The following CDCP1 variants were observed in gnomAD, a reference collection of about 807,000 sequenced individuals.
CDCP1 encodes the protein CUB domain containing protein 1.
CDCP1 carries 29 observed loss-of-function variants against 60.2 expected under a neutral mutation model. The ratio of observed to expected loss-of-function variants is 0.48; its 90% CI spans 0.36 to 0.66. CDCP1 has a LOEUF of 0.66. Among genes scored for constraint, CDCP1 ranks in the 30% least tolerant of loss-of-function variants. The probability of loss-of-function intolerance (pLI) is 0.00; values close to 1 mark genes in which losing one functional copy is unlikely to be tolerated. For synonymous variants in CDCP1, 387 were observed against 431.1 expected (o/e 0.90, Z 1.27); for missense variants, 876 against 1,074.3 (o/e 0.82, Z 2.58).
intron 8 of CDCP1, among the ~76,000 whole-genome samples, chr3:45,086,434 C>A (rs1311169214): frequency 6.6e-6 from 1 of 152,236 alleles, no homozygotes; most frequent in East Asian, 1.9e-4. Flanking sequence ...GTGTCCCAGA[C>A]CTTCTCAACC....
intron 1 of CDCP1, among the ~76,000 whole-genome samples, chr3:45,128,464 C>A (rs1489988431): frequency 6.6e-6 from 1 of 152,226 alleles, no homozygotes; most frequent in Non-Finnish European, 1.5e-5. Context: ...GGTCCCACCC[C>A]CTCAGTGAGA....
At position 45,112,098 on chromosome 3, in the gene CDCP1, G is replaced by A. The variant is rs145582499; in HGVS notation, c.640C>T (p.Arg214Cys). Residue 214 changes from arginine (R) to cysteine (C), a missense_variant, in exon 3 of 9, where the codon CGC becomes TGC. Coordinates refer to ENST00000296129, the MANE Select transcript of CDCP1 (RefSeq NM_022842.5). Reference sequence around the variant, plus strand: ...GCTTTCTCACGTTTTATAGATGAGCGGTTTGCAATGCTGAAGCCGGAGACA... The same window carrying A: ...GCTTTCTCACGTTTTATAGATGAGCAGTTTGCAATGCTGAAGCCGGAGACA... ...RNVSGFSIAN[R>C]SSIKRLCIIE... 13 of 1,613,562 alleles carry A rather than the reference G, an allele frequency of 8.1e-6. No homozygotes were observed. Among genetic ancestry groups the A allele is most frequent in the African/African-American group, 8.0e-5 (6 of 75,038 alleles).
chr3:45,123,732 C>G (rs188209066), intron 1 of CDCP1, among the ~76,000 whole-genome samples: 18 of 152,352 alleles, frequency 1.2e-4, no homozygotes, highest in African/African-American at 4.1e-4. Flanking sequence ...AACTTGTCAG[C>G]TCATTTGATC....
chr3:45,107,755 A>C (rs1029158814), intron 4 of CDCP1, among the ~76,000 whole-genome samples: 1 of 152,162 alleles, frequency 6.6e-6, no homozygotes, highest in Admixed American at 6.5e-5. Flanking sequence ...ACTCCAGGTC[A>C]TTATCCTTAA....
At chr3:45,088,255 GT>G (rs1309158777) in intron 8 of CDCP1, among the ~76,000 whole-genome samples, 2 of 152,122 alleles carry the variant, frequency 1.3e-5, no homozygotes, top group African/African-American at 4.8e-5. Flanking sequence ...GCCAAGGTGG[GT>G]GGATCACTTG....
rs573998771 is a variant in CDCP1, at chr3:45,091,984, G to A, written c.1628-446C>T. Among the ~76,000 whole-genome samples, 12 of 152,180 alleles carry A rather than the reference G, an allele frequency of 7.9e-5. No individual in the cohort carries two copies. The South Asian group carries it at 1.2e-3, about 16-fold the overall frequency. On this transcript the variant is annotated intron_variant, in intron 6 of 8. Transcript: ENST00000296129. This position sits in a 1 kb window ranked among gnomAD's most constrained non-coding sequence, Gnocchi z 4.8. Reference sequence around the variant, plus strand: ...AATTTTTTGTATTTTTAGTAGAGATGGGGTTTCACCGTGTTGGCCAGGCTG... The same window carrying A: ...AATTTTTTGTATTTTTAGTAGAGATAGGGTTTCACCGTGTTGGCCAGGCTG...
At chr3:45,130,576 T>C (rs1699073972) in intron 1 of CDCP1, among the ~76,000 whole-genome samples, 1 of 152,226 alleles carries the variant, frequency 6.6e-6, no homozygotes, top group South Asian at 2.1e-4. Context: ...TAAGGTCTCA[T>C]CCACAGATGG....
At chr3:45,133,051 G>A (rs1365875532) in intron 1 of CDCP1, among the ~76,000 whole-genome samples, 1 of 152,200 alleles carries the variant, frequency 6.6e-6, no homozygotes, top group Non-Finnish European at 1.5e-5. Context: ...GAGTCGATGT[G>A]TGAAAGGAAT....
intron 1 of CDCP1, among the ~76,000 whole-genome samples, chr3:45,135,121 T>G (rs1381838958): frequency 6.6e-6 from 1 of 152,132 alleles, no homozygotes; most frequent in Non-Finnish European, 1.5e-5. Context: ...CGGAAGGCGT[T>G]ATATCAACTA....
chr3:45,139,998 C>G (rs1333858579), intron 1 of CDCP1, among the ~76,000 whole-genome samples: 1 of 152,228 alleles, frequency 6.6e-6, no homozygotes, highest in Non-Finnish European at 1.5e-5. Flanking sequence ...TTTAGCCAAA[C>G]TTCCTTGTTT....
intron 8 of CDCP1, among the ~76,000 whole-genome samples, 170 bp from the exon 9 acceptor site, chr3:45,086,237 T>C (rs1205078528): frequency 2.0e-5 from 3 of 152,206 alleles, no homozygotes; most frequent in African/African-American, 7.2e-5. Flanking sequence ...TCAGTGAACA[T>C]TTAGAAGGGA....
intron 1 of CDCP1, among the ~76,000 whole-genome samples, chr3:45,132,405 C>T (rs996511059): frequency 1.2e-4 from 18 of 152,068 alleles, no homozygotes; most frequent in African/African-American, 2.9e-4. Context: ...ACACTAGAGA[C>T]GGGGTGGGGT....
In CDCP1 at chr3:45,146,251, G is replaced by A. The variant is rs747525637; in HGVS notation, c.37C>T (p.Leu13=). 2 of 1,597,210 alleles carry A rather than the reference G, an allele frequency of 1.3e-6. No individual in the cohort carries two copies. The highest frequency in any genetic ancestry group is 1.7e-6 in the Non-Finnish European group (2 of 1,173,990). The part of the protein sequence containing the change: ...GLNCGVSIAL[L]GVLLLGAARL... ...GCCGCACCCAGCAGCAGAACCCCTA[G>A]CAGTGCGATAGAGACCCCGCAGTTC... The change falls in exon 1 of 9, where the codon CTA becomes TTA. Residue 13 remains leucine, a synonymous_variant. Coordinates refer to ENST00000296129, the MANE Select transcript of CDCP1 (RefSeq NM_022842.5).
At chr3:45,135,217 G>T (rs572617702) in intron 1 of CDCP1, among the ~76,000 whole-genome samples, 2 of 151,576 alleles carry the variant, frequency 1.3e-5, no homozygotes, top group East Asian at 3.9e-4. Context: ...TCAGGGATAT[G>T]AAAAACTAAG....
chr3:45,095,203 G>A, intron 5 of CDCP1, 144 bp downstream of exon 5: 1 of 700,508 alleles, frequency 1.4e-6, no homozygotes, highest in East Asian at 2.9e-5. Flanking sequence ...CAAAGTGCTG[G>A]GATTACAGGC....
intron 1 of CDCP1, among the ~76,000 whole-genome samples, chr3:45,143,737 C>T (rs1430026952): frequency 1.3e-5 from 2 of 152,074 alleles, no homozygotes; most frequent in East Asian, 3.8e-4. Context: ...TGTGCACATG[C>T]AAGGCGTGCA....
chr3:45,137,898 A>C (rs1366731493), intron 1 of CDCP1, among the ~76,000 whole-genome samples: 1 of 152,182 alleles, frequency 6.6e-6, no homozygotes, highest in Non-Finnish European at 1.5e-5. Flanking sequence ...AGACTGTCAG[A>C]AACTTCCAAG....
At chr3:45,107,891 TG>T (rs1698595493) in intron 4 of CDCP1, among the ~76,000 whole-genome samples, 1 of 151,578 alleles carries the variant, frequency 6.6e-6, no homozygotes, top group Non-Finnish European at 1.5e-5. Context: ...CCGAGGCGGG[TG>T]GATCACTTGA....
Position 45,110,466 on chromosome 3 carries a change from C to A in CDCP1, c.1024+7G>T. 6.2e-7 allele frequency: 1 copy of A among 1,613,342 alleles called. No individual in the cohort carries two copies. Among genetic ancestry groups the A allele is most frequent in the Non-Finnish European group, 8.5e-7 (1 of 1,179,348 alleles). ...GAGGAAGAAAAAGGAAAGTGGGGCT[C>A]ACTCACTGCTTTCATTTTGTGGATG... On this transcript the variant is annotated splice_region_variant and intron_variant, in intron 4 of 8. Transcript: ENST00000296129.
Sources: gnomAD v4.1 joint callset for allele counts (sites outside exome capture counted in the v4.1 genomes callset) on GRCh38, gnomAD v4.1.1 for gene constraint, Gnocchi (gnomAD v3.1) non-coding constraint, MANE v1.5 for transcripts, NCBI Gene and HGNC (gene_info 2026-07-23, HGNC 2026-07-21) for gene names.